SND1: variants seen among roughly 807,000 people sequenced by gnomAD.
The protein encoded by SND1 is staphylococcal nuclease and tudor domain containing 1.
A neutral mutation model predicts 121.7 loss-of-function variants in SND1; 38 were observed. The ratio of observed to expected loss-of-function variants is 0.31; its 90% CI spans 0.24 to 0.41. The LOEUF is 0.41. Among genes scored for constraint, SND1 ranks in the 10% least tolerant of loss-of-function variants. The probability of loss-of-function intolerance (pLI) is 1.00; values close to 1 mark genes in which losing one functional copy is unlikely to be tolerated. For missense variants in SND1, 868 were observed against 1,184.6 expected, an observed-to-expected ratio of 0.73 and a Z score of 3.92; for synonymous variants, 401 against 447.4, an observed-to-expected ratio of 0.90 and a Z score of 1.31.
At chr7:128,063,862 T>G (rs960425249) in intron 16 of SND1, among the ~76,000 whole-genome samples, 2 of 152,212 alleles carry the variant, frequency 1.3e-5, no homozygotes, top group African/African-American at 4.8e-5. Flanking sequence ...GCAACTTGTC[T>G]GTGGAGCTGG....
At position 127,686,673 on chromosome 7, in the gene SND1, C is replaced by G; in HGVS notation, c.139C>G (p.Arg47Gly). 2 of 1,614,168 alleles carry G rather than the reference C, an allele frequency of 1.2e-6. No homozygotes were observed. Among genetic ancestry groups the G allele is most frequent in the Non-Finnish European group, 1.7e-6 (2 of 1,180,020 alleles). ...GCCTCGTGGTGGGCCTCCTCCTGAGCGGCAGATCAACCTCAGCAACATTCG... is the reference window on the plus strand; with the variant it reads ...GCCTCGTGGTGGGCCTCCTCCTGAGGGGCAGATCAACCTCAGCAACATTCG... ...GQPRGGPPPE[R>G]QINLSNIRAG... The change falls in exon 2 of 24, where the codon CGG becomes GGG. Residue 47 changes from arginine to glycine, a missense_variant. Physicochemically the swap from Arg to Gly is moderately radical, Grantham distance 125. This residue lies in a region of SND1 where 125 missense variants were observed against 113.3 expected (regional missense o/e 1.10). Coordinates refer to ENST00000354725, the MANE Select transcript of SND1 (RefSeq NM_014390.4).
chr7:128,047,447 C>T (rs1431679159), intron 16 of SND1, among the ~76,000 whole-genome samples: 1 of 152,222 alleles, frequency 6.6e-6, no homozygotes, highest in African/African-American at 2.4e-5. Flanking sequence ...TATTTTTCTT[C>T]AAATCACTCT....
At chr7:127,794,685 G>A (rs1797980936) in intron 10 of SND1, among the ~76,000 whole-genome samples, 1 of 152,162 alleles carries the variant, frequency 6.6e-6, no homozygotes, top group Non-Finnish European at 1.5e-5. Context: ...GAGGGTTTGT[G>A]GCACATCCCT....
chr7:127,723,711 G>T (rs1796535379), intron 10 of SND1, among the ~76,000 whole-genome samples: 1 of 152,184 alleles, frequency 6.6e-6, no homozygotes, highest in Non-Finnish European at 1.5e-5. Flanking sequence ...TCAACAGGAG[G>T]AATGGCTCTC....
chr7:127,902,836 C>T (rs1800260707), intron 13 of SND1, among the ~76,000 whole-genome samples: 3 of 152,084 alleles, frequency 2.0e-5, no homozygotes, highest in Admixed American at 6.5e-5. Flanking sequence ...GCCTCAGCCT[C>T]CCAAGTAGCT....
intron 10 of SND1, among the ~76,000 whole-genome samples, chr7:127,727,605 T>A (rs900826635): frequency 6.6e-6 from 1 of 151,980 alleles, no homozygotes. Flanking sequence ...AATAGCAAAT[T>A]AGAGAGGGAC....
At chr7:127,872,590 G>A (rs891816544) in intron 12 of SND1, among the ~76,000 whole-genome samples, 1 of 147,588 alleles carries the variant, frequency 6.8e-6, no homozygotes, top group African/African-American at 2.5e-5. Flanking sequence ...GTGTTGATAT[G>A]ACACAGTATC....
In SND1 at chr7:127,707,545, C is replaced by T. The variant is rs1395532536; in HGVS notation, c.948-12C>T. On this transcript the variant is annotated splice_polypyrimidine_tract_variant and intron_variant, in intron 8 of 23. Coordinates refer to ENST00000354725, the MANE Select transcript of SND1 (RefSeq NM_014390.4). ...GAGTCTGAATGATCTTGCATCCTTG[C>T]TTTGTTGCCAGGTTTGCCAAAGAGC... is the stretch of plus-strand genomic sequence containing the variant. 6 of 1,613,062 alleles carry T rather than the reference C, an allele frequency of 3.7e-6. No homozygotes were observed. The Admixed American group carries it at 5.0e-5, about 13-fold the overall frequency.
chr7:127,870,709 T>A (rs1299350798), intron 12 of SND1, among the ~76,000 whole-genome samples: 4 of 152,164 alleles, frequency 2.6e-5, no homozygotes, highest in Admixed American at 2.6e-4. Context: ...TTTGGGTGAA[T>A]CATTGATGAA....
intron 10 of SND1, among the ~76,000 whole-genome samples, chr7:127,767,249 T>C (rs1405370042): frequency 1.3e-5 from 2 of 152,178 alleles, no homozygotes; most frequent in African/African-American, 4.8e-5. Context: ...CTGTTTAATG[T>C]AGTAGACATG....
chr7:127,806,785 C>T (rs980414187), intron 10 of SND1, among the ~76,000 whole-genome samples: 16 of 152,180 alleles, frequency 1.1e-4, no homozygotes, highest in African/African-American at 3.9e-4. Context: ...TAGGTGAAAC[C>T]CCATCTCTAC....
intron 10 of SND1, among the ~76,000 whole-genome samples, chr7:127,784,882 AGT>A (rs1273920772): frequency 6.6e-6 from 1 of 152,176 alleles, no homozygotes; most frequent in African/African-American, 2.4e-5. Flanking sequence ...TGATCATGAA[AGT>A]GGGGGCTGGC....
In SND1 at chr7:127,704,821, A is replaced by G. The variant is rs1465509062; in HGVS notation, c.841-18A>G. 3.7e-6 allele frequency: 6 copies of G among 1,601,436 alleles called. No homozygotes were observed. The highest frequency in any genetic ancestry group is 5.1e-6 in the Non-Finnish European group (6 of 1,168,800). On this transcript the variant is annotated intron_variant, in intron 7 of 23. Transcript: ENST00000354725. ...AGAGTCTAATCCGTGCCTGCCTCTC[A>G]TGTACCTTGTTTTTCAGAATGGCAA...
At chr7:127,974,883 G>T (rs1249645454) in intron 15 of SND1, among the ~76,000 whole-genome samples, 2 of 152,166 alleles carry the variant, frequency 1.3e-5, no homozygotes, top group African/African-American at 4.8e-5. Context: ...GAAAGAAAAG[G>T]CCATCTTCCT....
At chr7:127,666,402 G>A (rs1411123993) in intron 1 of SND1, among the ~76,000 whole-genome samples, 2 of 152,180 alleles carry the variant, frequency 1.3e-5, no homozygotes, top group East Asian at 3.8e-4. Flanking sequence ...AGAAGAATAA[G>A]CTCAGGACTC....
chr7:127,768,159 G>A (rs1421211635), intron 10 of SND1, among the ~76,000 whole-genome samples: 2 of 152,146 alleles, frequency 1.3e-5, no homozygotes, highest in Non-Finnish European at 2.9e-5. Flanking sequence ...CACCTCATTA[G>A]CGGCCTGTCA....
chr7:127,978,833 C>T (rs1168524433), intron 15 of SND1, among the ~76,000 whole-genome samples: 2 of 152,072 alleles, frequency 1.3e-5, no homozygotes, highest in Admixed American at 6.5e-5. Context: ...ATTACAGGCG[C>T]ACACCACCAC....
chr7:128,025,138 C>T lies in SND1; in HGVS notation c.1779+34082C>T, dbSNP rs555002366. Among the ~76,000 whole-genome samples, 308 of 152,274 alleles carry T rather than the reference C, an allele frequency of 2.0e-3. 5 individuals are homozygous for T. The South Asian group carries it at 0.038, about 19-fold the overall frequency. The stretch of plus-strand genomic sequence containing the variant: ...TCTAACCCCTTAGCACATGTGGAGC[C>T]CCTGTAGTCAGGCCTTAGAGGGCAG... On this transcript the variant is annotated intron_variant, in intron 16 of 23. Coordinates refer to ENST00000354725, the MANE Select transcript of SND1 (RefSeq NM_014390.4).
chr7:127,852,443 G>T (rs562502754), intron 12 of SND1, among the ~76,000 whole-genome samples: 1 of 147,312 alleles, frequency 6.8e-6, no homozygotes, highest in African/African-American at 2.5e-5. Context: ...AGCCAAGATC[G>T]CACCACTGTA....
Sources: gnomAD v4.1 joint callset for allele counts (sites outside exome capture counted in the v4.1 genomes callset) on GRCh38, gnomAD v4.1.1 for gene constraint, gnomAD v4.1.1 regional missense constraint, MANE v1.5 for transcripts, NCBI Gene and HGNC (gene_info 2026-07-23, HGNC 2026-07-21) for gene names.